TMEM132D: variants seen among roughly 807,000 people sequenced by gnomAD.
TMEM132D encodes transmembrane protein 132D.
In TMEM132D, 21 loss-of-function variants were observed where a neutral mutation model predicts 62.3. The ratio of observed to expected loss-of-function variants is 0.34; its 90% CI spans 0.24 to 0.49. The LOEUF (loss-of-function observed/expected upper bound fraction) is 0.49, where lower values mean the gene tolerates loss of function less well. TMEM132D is among the 20% of genes least tolerant of loss of function. The probability of loss-of-function intolerance (pLI) is 0.99; values close to 1 mark genes in which losing one functional copy is unlikely to be tolerated. For synonymous variants in TMEM132D, 621 were observed against 575.6 expected, an observed-to-expected ratio of 1.08 and a Z score of -1.13; for missense variants, 1,346 against 1,402.8, an observed-to-expected ratio of 0.96 and a Z score of 0.65.
rs554489795 is a variant in TMEM132D at position 129,660,429 on chromosome 12, C to T, written c.968+39381G>A. Among the ~76,000 whole-genome samples the T allele has an allele frequency of 2.4e-4, 36 of 152,222 alleles. 1 individual carries two copies. The highest frequency in any genetic ancestry group is 1.5e-3 in the Admixed American group (23 of 15,288). ...CCTCTCATGCTCATAATACTCAAGACGGAGGTCTGATTGAATCAGCTGTGG... is the reference window on the plus strand; with the variant it reads ...CCTCTCATGCTCATAATACTCAAGATGGAGGTCTGATTGAATCAGCTGTGG... On this transcript the variant is annotated intron_variant, in intron 2 of 8. Transcript: ENST00000422113.
intron 4 of TMEM132D, among the ~76,000 whole-genome samples, chr12:129,267,959 G>A (rs866222315): frequency 1.6e-4 from 25 of 152,308 alleles, no homozygotes; most frequent in Non-Finnish European, 3.2e-4. Context: ...AATAAATGGT[G>A]CTGGGAAAAC....
At chr12:129,581,789 A>G (rs189400906) in intron 2 of TMEM132D, among the ~76,000 whole-genome samples, 21 of 152,340 alleles carry the variant, frequency 1.4e-4, no homozygotes, top group Non-Finnish European at 1.5e-5. Context: ...AGACACACCC[A>G]GGGACAATAC....
At chr12:129,877,964 G>A (rs1286287120) in intron 1 of TMEM132D, among the ~76,000 whole-genome samples, 6 of 152,176 alleles carry the variant, frequency 3.9e-5, no homozygotes, top group South Asian at 4.1e-4. Flanking sequence ...TCCACAAGGC[G>A]AGAACTAAGA....
At chr12:129,296,451 G>A (rs749403711) in intron 4 of TMEM132D, among the ~76,000 whole-genome samples, 12 of 152,182 alleles carry the variant, frequency 7.9e-5, no homozygotes, top group Non-Finnish European at 1.5e-4. Flanking sequence ...GATGTTCTTC[G>A]TGCCAAATAG....
At chr12:129,711,858 T>C (rs1164104136) in intron 1 of TMEM132D, among the ~76,000 whole-genome samples, 1 of 149,966 alleles carries the variant, frequency 6.7e-6, no homozygotes, top group Non-Finnish European at 1.5e-5. Flanking sequence ...ATGTGTATAA[T>C]GAATGAAAAT....
At chr12:129,335,962 T>C (rs1593341617) in intron 4 of TMEM132D, among the ~76,000 whole-genome samples, 1 of 152,318 alleles carries the variant, frequency 6.6e-6, no homozygotes, top group South Asian at 2.1e-4. Flanking sequence ...ATGTGATGGC[T>C]GGCATCCCAG....
intron 3 of TMEM132D, among the ~76,000 whole-genome samples, chr12:129,416,882 A>G (rs1015020197): frequency 6.6e-6 from 1 of 152,176 alleles, no homozygotes; most frequent in Non-Finnish European, 1.5e-5. Flanking sequence ...CTTGCATCCC[A>G]GGGGTGAAGC....
intron 3 of TMEM132D, among the ~76,000 whole-genome samples, chr12:129,424,173 T>G (rs1278430859): frequency 6.7e-6 from 1 of 149,352 alleles, no homozygotes; most frequent in Admixed American, 6.8e-5. Context: ...ATGATTTACT[T>G]TCAAAGAAGC....
At chr12:129,513,965 G>C (rs1875593017) in intron 3 of TMEM132D, among the ~76,000 whole-genome samples, 1 of 151,004 alleles carries the variant, frequency 6.6e-6, no homozygotes, top group South Asian at 2.1e-4. Flanking sequence ...AGCCTCCCGA[G>C]TAGCTGGGAC....
chr12:129,604,674 A>G (rs1430852215), intron 2 of TMEM132D, among the ~76,000 whole-genome samples: 3 of 152,186 alleles, frequency 2.0e-5, no homozygotes, highest in Non-Finnish European at 2.9e-5. Flanking sequence ...CACCTAACCA[A>G]TTGGAAAATG....
chr12:129,513,250 C>G (rs555089522), intron 3 of TMEM132D, among the ~76,000 whole-genome samples: 3 of 152,058 alleles, frequency 2.0e-5, no homozygotes, highest in Non-Finnish European at 4.4e-5. Flanking sequence ...GGCTTTGTAA[C>G]AACCCACTCT....
chr12:129,562,041 CCTT>C (rs1441210192), intron 2 of TMEM132D, among the ~76,000 whole-genome samples: 1 of 152,066 alleles, frequency 6.6e-6, no homozygotes, highest in East Asian at 1.9e-4. Context: ...TTTCTAAAAA[CCTT>C]CTTGAGGAAC....
chr12:129,465,667 GC>G (rs1873866155), intron 3 of TMEM132D, among the ~76,000 whole-genome samples: 1 of 152,130 alleles, frequency 6.6e-6, no homozygotes, highest in South Asian at 2.1e-4. Flanking sequence ...CAAACAGAGA[GC>G]CCAAATCATG....
chr12:129,900,160 C>T (rs1379384699), intron 1 of TMEM132D, among the ~76,000 whole-genome samples: 1 of 152,148 alleles, frequency 6.6e-6, no homozygotes. Context: ...ATTCTCTGAT[C>T]CCTTGAAAGT....
At chr12:129,283,589 T>C (rs542359694) in intron 4 of TMEM132D, among the ~76,000 whole-genome samples, 6 of 152,292 alleles carry the variant, frequency 3.9e-5, no homozygotes, top group African/African-American at 1.4e-4. Flanking sequence ...TCCCAAAGTA[T>C]TGAATGATTT....
At chr12:129,706,520 A>G (rs565751198) in intron 1 of TMEM132D, among the ~76,000 whole-genome samples, 1 of 152,106 alleles carries the variant, frequency 6.6e-6, no homozygotes, top group Admixed American at 6.5e-5. Flanking sequence ...ACAAGTAGAA[A>G]TTGATAGTAA....
intron 2 of TMEM132D, among the ~76,000 whole-genome samples, chr12:129,663,477 A>G (rs1343833849): frequency 1.3e-5 from 2 of 152,172 alleles, no homozygotes; most frequent in African/African-American, 4.8e-5. Flanking sequence ...TGGGGTCCAC[A>G]AAACCCCTTC....
At chr12:129,450,362 T>A (rs1308661357) in intron 3 of TMEM132D, among the ~76,000 whole-genome samples, 2 of 152,212 alleles carry the variant, frequency 1.3e-5, no homozygotes, top group East Asian at 1.9e-4. Context: ...CTTGAATCCA[T>A]CTTGAGTGAA....
At chr12:129,399,497 G>A (rs1409921160) in intron 3 of TMEM132D, among the ~76,000 whole-genome samples, 1 of 73,372 alleles carries the variant, frequency 1.4e-5, no homozygotes, top group Non-Finnish European at 2.7e-5. Context: ...TGATGGCAGA[G>A]CCCTCATGAT....
Sources: gnomAD v4.1 joint callset for allele counts (sites outside exome capture counted in the v4.1 genomes callset) on GRCh38, gnomAD v4.1.1 for gene constraint, MANE v1.5 for transcripts, NCBI Gene and HGNC (gene_info 2026-07-23, HGNC 2026-07-21) for gene names.